GFRA2: variants seen among roughly 807,000 people sequenced by gnomAD.
The protein encoded by GFRA2 is GDNF family receptor alpha-2.
Under a neutral mutation model 48.3 loss-of-function variants are expected in GFRA2, and 17 were observed. The ratio of observed to expected loss-of-function variants is 0.35; its 90% CI spans 0.24 to 0.53. The LOEUF (loss-of-function observed/expected upper bound fraction) is 0.53. Ranked by LOEUF, GFRA2 falls within the 20% of genes least tolerant of loss-of-function variation. GFRA2 has a pLI of 0.93. For missense variants in GFRA2, 660 were observed against 637.3 expected (o/e 1.04, Z -0.38); for synonymous variants, 305 against 257.2 (o/e 1.19, Z -1.78).
intron 1 of GFRA2, among the ~76,000 whole-genome samples, chr8:21,807,423 C>T (rs1807892923): frequency 1.3e-5 from 2 of 152,338 alleles, no homozygotes; most frequent in South Asian, 4.1e-4. Context: ...AAATAAACTT[C>T]TATTCTTTGT....
intron 1 of GFRA2, among the ~76,000 whole-genome samples, chr8:21,806,648 G>A (rs1282037003): frequency 6.6e-6 from 1 of 152,112 alleles, no homozygotes; most frequent in Non-Finnish European, 1.5e-5. Flanking sequence ...TTTAACTTTT[G>A]TAGAGATGGG....
At chr8:21,803,793 T>C (rs1177529643) in intron 2 of GFRA2, among the ~76,000 whole-genome samples, 1 of 152,144 alleles carries the variant, frequency 6.6e-6, no homozygotes, top group African/African-American at 2.4e-5. Flanking sequence ...CCACCACACC[T>C]GCTTAATTTA....
chr8:21,760,596 G>A (rs1374885788), intron 3 of GFRA2, among the ~76,000 whole-genome samples: 2 of 152,196 alleles, frequency 1.3e-5, no homozygotes, highest in Non-Finnish European at 2.9e-5. Context: ...ACTTAAGTTT[G>A]AGATGTCTAT....
rs202093867 is a variant in GFRA2, at chr8:21,702,913, G to A, written c.1110C>T (p.Phe370=). ...DVNVSPKGPS[F]QATQAPRVEK... is the part of the protein sequence containing the mutation. ...CCACCCGAGGGGCCTGGGTGGCCTG[G>A]AACGAGGGGCCTTTTGGGGACACGT... Residue 370 remains phenylalanine (F), a synonymous_variant, in exon 7 of 9, where the codon TTC becomes TTT. Transcript: ENST00000524240. 1.3e-6 allele frequency: 2 copies of A among 1,589,244 alleles called. No homozygotes were observed. The highest frequency in any genetic ancestry group is 1.8e-5 in the Admixed American group (1 of 55,036).
rs545260638 is a variant in GFRA2 at position 21,707,076 on chromosome 8, C to T, written c.795-1035G>A. On this transcript the variant is annotated intron_variant, in intron 4 of 8. Coordinates refer to ENST00000524240, the MANE Select transcript of GFRA2 (RefSeq NM_001495.5). ...CCCTCATGTATCATATCAACTATGT[C>T]TCACAGCAGCTCCAAATAGCTAGTA... Among the ~76,000 whole-genome samples, 44 of 152,342 alleles carry T rather than the reference C, an allele frequency of 2.9e-4. 1 individual carries two copies. The South Asian group carries it at 9.1e-3, about 32-fold the overall frequency.
chr8:21,742,106 G>C (rs1804775376), intron 4 of GFRA2, among the ~76,000 whole-genome samples: 1 of 152,162 alleles, frequency 6.6e-6, no homozygotes, highest in South Asian at 2.1e-4. Context: ...GGAAGATACA[G>C]AATGGGAGCC....
chr8:21,746,730 G>A (rs1805023901), intron 4 of GFRA2, among the ~76,000 whole-genome samples: 1 of 151,816 alleles, frequency 6.6e-6, no homozygotes, highest in African/African-American at 2.4e-5. Context: ...CGCCGTTTCT[G>A]GTTCCACTGT....
chr8:21,752,260 C>A (rs557913571), intron 3 of GFRA2, among the ~76,000 whole-genome samples: 1 of 152,304 alleles, frequency 6.6e-6, no homozygotes, highest in South Asian at 2.1e-4. Flanking sequence ...CAAAACCCCT[C>A]AATCGAGTTG....
intron 3 of GFRA2, among the ~76,000 whole-genome samples, chr8:21,751,955 TCAGCCATCGGC>T (rs1235561681): frequency 6.6e-6 from 1 of 152,164 alleles, no homozygotes; most frequent in Non-Finnish European, 1.5e-5. Context: ...ATTCTAGAGC[TCAGCCATCGGC>T]GTTCAACTCC....
intron 4 of GFRA2, among the ~76,000 whole-genome samples, chr8:21,729,584 C>T (rs1330274809): frequency 1.3e-5 from 2 of 152,174 alleles, no homozygotes; most frequent in East Asian, 1.9e-4. Context: ...AAGAAGACGG[C>T]AGTTTCCTTA....
In GFRA2 at chr8:21,706,041, C is replaced by T. The variant is rs757402273; in HGVS notation, c.795G>A (p.Arg265=). The change falls in exon 5 of 9, where the codon CGG becomes CGA. Residue 265 remains arginine, a splice_region_variant and synonymous_variant. Coordinates refer to ENST00000524240, the MANE Select transcript of GFRA2 (RefSeq NM_001495.5). ...RGVCRTDHLC[R]SRLADFHANC... is the part of the protein sequence containing the mutation. ...TGGCATGGAAGTCGGCCAGCCGGGA[C>T]CTGGTGGTGGGTAGAAGACGCAATA... 1.9e-5 allele frequency: 30 copies of T among 1,558,270 alleles called. No individual in the cohort carries two copies. The highest frequency in any genetic ancestry group is 1.7e-4 in the Middle Eastern group (1 of 6,020).
chr8:21,800,205 C>G (rs995117683), intron 2 of GFRA2, among the ~76,000 whole-genome samples: 110 of 152,276 alleles, frequency 7.2e-4, no homozygotes, highest in Middle Eastern at 3.4e-3. Context: ...TTTTTGCAAT[C>G]AATCTCAATC....
chr8:21,723,766 A>C (rs1362537705), intron 4 of GFRA2, among the ~76,000 whole-genome samples: 1 of 152,204 alleles, frequency 6.6e-6, no homozygotes, highest in Admixed American at 6.5e-5. Context: ...ACAGGCTAGA[A>C]AGTGGGCTGG....
chr8:21,782,514 C>G, intron 2 of GFRA2, 71 bp downstream of exon 2: 2 of 1,201,298 alleles, frequency 1.7e-6, no homozygotes, highest in East Asian at 5.1e-5. Flanking sequence ...CTCCTGAACC[C>G]CTGGCCCGCC....
At chr8:21,723,412 G>A (rs1320236133) in intron 4 of GFRA2, among the ~76,000 whole-genome samples, 1 of 152,192 alleles carries the variant, frequency 6.6e-6, no homozygotes, top group East Asian at 1.9e-4. Context: ...AGAAAAGGCA[G>A]ACCCAGGAAG....
intron 2 of GFRA2, among the ~76,000 whole-genome samples, chr8:21,803,640 T>C (rs1807808931): frequency 6.6e-6 from 1 of 152,182 alleles, no homozygotes; most frequent in African/African-American, 2.4e-5. Flanking sequence ...TAGCTAACTT[T>C]TTCTTTTGAA....
At chr8:21,789,517 G>A (rs1174988016), upstream of GFRA2, among the ~76,000 whole-genome samples, 1 of 152,210 alleles carries the variant, frequency 6.6e-6, no homozygotes. Flanking sequence ...CACCCTCCGT[G>A]GGCTAAGGCG....
At position 21,780,514 on chromosome 8, in the gene GFRA2, T is replaced by C. The variant is rs112297932; in HGVS notation, c.355+2071A>G. Among the ~76,000 whole-genome samples, 383 of 152,262 alleles carry C rather than the reference T, an allele frequency of 2.5e-3. 1 individual carries two copies. The highest frequency in any genetic ancestry group is 8.9e-3 in the African/African-American group (370 of 41,536). ...TACCGCCCTCCTCTCACTGCGGTCA[T>C]GCACACCCCCTTGGCCCTGGTTTCT... is the stretch of plus-strand genomic sequence containing the variant. On this transcript the variant is annotated intron_variant, in intron 2 of 8. Transcript: ENST00000524240.
chr8:21,767,188 T>C (rs1220542939), intron 3 of GFRA2, among the ~76,000 whole-genome samples: 8 of 136,460 alleles, frequency 5.9e-5, no homozygotes, highest in Non-Finnish European at 1.3e-4. Context: ...CACCCACACA[T>C]CACCGCCTAC....
Sources: allele counts gnomAD v4.1 joint callset (sites outside exome capture counted in the v4.1 genomes callset), GRCh38; gene constraint gnomAD v4.1.1; transcripts MANE v1.5; gene names NCBI Gene and HGNC (gene_info 2026-07-23, HGNC 2026-07-21).